Variants in OR6N1 observed in about 807,000 individuals in gnomAD.
OR6N1 encodes olfactory receptor 6N1.
For missense variants in OR6N1, 394 were observed against 371.7 expected, an observed-to-expected ratio of 1.06 and a Z score of -0.49; for synonymous variants, 170 against 150.7, an observed-to-expected ratio of 1.13 and a Z score of -0.94.
the OR6N1 span, chr1:158,781,104 C>G: frequency 6.6e-6 from 1 of 152,176 alleles, no homozygotes; most frequent in East Asian, 1.9e-4. Context: ...TTTCAAATCC[C>G]TTATTATCAG....
rs1310198903 is a variant in OR6N1 at position 158,765,542 on chromosome 1, C to T, written c.*202G>A. 4 of 542,052 alleles carry T rather than the reference C, an allele frequency of 7.4e-6. No individual in the cohort carries two copies. Among genetic ancestry groups the T allele is most frequent in the Non-Finnish European group, 9.9e-6 (3 of 303,338 alleles). The allele number at this position is 542,052 out of a possible 1,614,324, so 33.6% of individuals were successfully genotyped here. On this transcript the variant is annotated 3_prime_UTR_variant, in exon 2 of 2. Transcript: ENST00000641846. ...CATGTTGAAGGGATGTGTACTTTCC[C>T]TAGTCTCTGGTCTCAAGCCAAATGT...
At chr1:158,782,226 T>C in the OR6N1 span, among the ~76,000 whole-genome samples, 25 of 152,384 alleles carry the variant, frequency 1.6e-4, 1 homozygote, top group Middle Eastern at 0.01. Context: ...TAAGATTAAA[T>C]GCAAACATTA....
chr1:158,822,744 C>T, the OR6N1 span, among the ~76,000 whole-genome samples: 90 of 152,202 alleles, frequency 5.9e-4, no homozygotes, highest in Middle Eastern at 3.4e-3. Context: ...TCTAGGACTA[C>T]GTCAAATAGG....
rs1344856795 is a variant in OR6N1 at position 158,765,934 on chromosome 1, A to G, written c.749T>C (p.Ile250Thr). Residue 250 changes from isoleucine to threonine, a missense_variant, in exon 2 of 2, where the codon ATC (isoleucine) becomes ACC (threonine). Coordinates refer to ENST00000641846, the MANE Select transcript of OR6N1 (RefSeq NM_001005185.2). ...CATGGAAAGGATGCTCCCATAGAAG[A>G]TGAGAACCACAGTGAAGTGGGAGGC... The part of the protein sequence containing the change: ...TCASHFTVVL[I>T]FYGSILSMYV... The G allele has an allele frequency of 6.2e-7, 1 of 1,614,038 alleles. No homozygotes were observed. The highest frequency in any genetic ancestry group is 8.5e-7 in the Non-Finnish European group (1 of 1,180,016).
At chr1:158,834,290 T>C in the OR6N1 span, among the ~76,000 whole-genome samples, 1 of 148,674 alleles carries the variant, frequency 6.7e-6, no homozygotes, top group Non-Finnish European at 1.5e-5. Context: ...TGGAGTGCAG[T>C]GGCGCGATCT....
In OR6N1 at chr1:158,765,780, C is replaced by T. The variant is rs777079460; in HGVS notation, c.903G>A (p.Val301=). Residue 301 remains valine, a synonymous_variant, in exon 2 of 2, where the codon GTG becomes GTA. Coordinates refer to ENST00000641846, the MANE Select transcript of OR6N1 (RefSeq NM_001005185.2). The part of the protein sequence containing the change: ...SLRNKEIKEA[V]RRQLKRIGIL... Reference sequence around the variant, plus strand: ...TCCCAATTCTCTTTAGCTGCCTCCTCACAGCCTCCTTGATCTCCTTGTTGC... The same window carrying T: ...TCCCAATTCTCTTTAGCTGCCTCCTTACAGCCTCCTTGATCTCCTTGTTGC... 11 of 1,614,108 alleles carry T rather than the reference C, an allele frequency of 6.8e-6. No homozygotes were observed. In the Middle Eastern group the frequency reaches 1.2e-3, roughly 169 times the overall value.
At chr1:158,795,246 T>C in the OR6N1 span, among the ~76,000 whole-genome samples, 5 of 152,150 alleles carry the variant, frequency 3.3e-5, no homozygotes, top group African/African-American at 1.2e-4. Flanking sequence ...ACATACACAG[T>C]GTTTTGCTGG....
intron 1 of OR6N1, among the ~76,000 whole-genome samples, chr1:158,769,933 A>G (rs1657374589): frequency 6.6e-6 from 1 of 152,194 alleles, no homozygotes; most frequent in Non-Finnish European, 1.5e-5. Context: ...CAAGTCTTGA[A>G]TGCATACCTG....
chr1:158,817,949 G>C, the OR6N1 span, among the ~76,000 whole-genome samples: 1 of 152,314 alleles, frequency 6.6e-6, no homozygotes, highest in East Asian at 1.9e-4. Flanking sequence ...AGGAGACTAA[G>C]GATGCGTCCT....
At chr1:158,767,667 A>G (rs1378507130) in intron 1 of OR6N1, among the ~76,000 whole-genome samples, 1 of 152,212 alleles carries the variant, frequency 6.6e-6, no homozygotes, top group East Asian at 1.9e-4. Flanking sequence ...TACTCTATCA[A>G]TGTAAAAACA....
At chr1:158,779,991 G>C in the OR6N1 span, among the ~76,000 whole-genome samples, 24 of 152,176 alleles carry the variant, frequency 1.6e-4, no homozygotes, top group Non-Finnish European at 1.5e-5. Context: ...GCATAGAATT[G>C]TGAAATCAAT....
chr1:158,816,195 G>A, the OR6N1 span, among the ~76,000 whole-genome samples: 1 of 150,696 alleles, frequency 6.6e-6, no homozygotes, highest in Non-Finnish European at 1.5e-5. Context: ...CATAATGATT[G>A]AAACCAAAGA....
the OR6N1 span, chr1:158,808,257 C>T: frequency 6.6e-6 from 1 of 151,596 alleles, no homozygotes; most frequent in Non-Finnish European, 1.5e-5. Flanking sequence ...CCTGCCTCAG[C>T]CTCCCGAGTA....
chr1:158,765,809 A>G lies in OR6N1; in HGVS notation c.874T>C (p.Leu292=). 6.2e-7 allele frequency: 1 copy of G among 1,614,146 alleles called. No homozygotes were observed. Among genetic ancestry groups the G allele is most frequent in the South Asian group, 1.1e-5 (1 of 91,086 alleles). Residue 292 remains leucine, a synonymous_variant, in exon 2 of 2, where the codon TTG becomes CTG. Transcript: ENST00000641846. ...GCCTCCTTGATCTCCTTGTTGCGCA[A>G]GCTGTAGATGAAGGGGTTGAGGAAG... ...TPFLNPFIYS[L]RNKEIKEAVR...
the OR6N1 span, among the ~76,000 whole-genome samples, chr1:158,819,632 G>A: frequency 1.3e-5 from 2 of 152,194 alleles, no homozygotes; most frequent in Admixed American, 6.5e-5. Flanking sequence ...CCAAAAAAAG[G>A]TGTTGCCATA....
the OR6N1 span, among the ~76,000 whole-genome samples, chr1:158,807,356 G>A: frequency 6.6e-6 from 1 of 152,184 alleles, no homozygotes; most frequent in African/African-American, 2.4e-5. Flanking sequence ...GAGGAAAATG[G>A]AAAGTATTCA....
the OR6N1 span, among the ~76,000 whole-genome samples, chr1:158,817,722 G>A: frequency 6.6e-6 from 1 of 152,154 alleles, no homozygotes; most frequent in Non-Finnish European, 1.5e-5. Context: ...ATCTGAAAAG[G>A]AAAATACAGT....
chr1:158,816,042 C>T, the OR6N1 span, among the ~76,000 whole-genome samples: 1 of 151,750 alleles, frequency 6.6e-6, no homozygotes, highest in African/African-American at 2.4e-5. Context: ...CCTAAAGTCC[C>T]AGCTACTCAG....
chr1:158,837,568 T>C, the OR6N1 span, among the ~76,000 whole-genome samples: 1 of 151,834 alleles, frequency 6.6e-6, no homozygotes, highest in African/African-American at 2.4e-5. Context: ...TTTTATTCCT[T>C]CACTTTCTAT....
Sources: gnomAD v4.1 joint callset for allele counts (sites outside exome capture counted in the v4.1 genomes callset) on GRCh38, gnomAD v4.1.1 for gene constraint, MANE v1.5 for transcripts, NCBI Gene and HGNC (gene_info 2026-07-23, HGNC 2026-07-21) for gene names.